Variants in NRG3 observed in about 807,000 individuals in gnomAD.
NRG3 encodes neuregulin 3.
Under a neutral mutation model 66.9 loss-of-function variants are expected in NRG3, and 31 were observed. The ratio of observed to expected loss-of-function variants is 0.46; its 90% CI spans 0.35 to 0.63. The LOEUF is 0.63. Among genes scored for constraint, NRG3 ranks in the 20% least tolerant of loss-of-function variants. The pLI is 0.00. For synonymous variants in NRG3, 393 were observed against 359.4 expected, an observed-to-expected ratio of 1.09 and a Z score of -1.06; for missense variants, 910 against 878.9, an observed-to-expected ratio of 1.04 and a Z score of -0.45.
At chr10:82,543,088 C>T (rs2043652175) in intron 2 of NRG3, among the ~76,000 whole-genome samples, 1 of 152,058 alleles carries the variant, frequency 6.6e-6, no homozygotes. Context: ...GACAGGGTTT[C>T]ACCATGTTGG....
At chr10:82,123,896 G>A (rs1244325548) in intron 1 of NRG3, among the ~76,000 whole-genome samples, 1 of 151,296 alleles carries the variant, frequency 6.6e-6, no homozygotes, top group East Asian at 1.9e-4. Context: ...GCTCCCCGAG[G>A]TTGCTTGCAT....
At chr10:82,729,406 T>C (rs1404949076) in intron 2 of NRG3, among the ~76,000 whole-genome samples, 1 of 152,174 alleles carries the variant, frequency 6.6e-6, no homozygotes, top group Non-Finnish European at 1.5e-5. Context: ...GGGGCCACCA[T>C]ATTACTGTCT....
chr10:82,831,750 G>A (rs944715343), intron 3 of NRG3, among the ~76,000 whole-genome samples: 7 of 152,108 alleles, frequency 4.6e-5, no homozygotes, highest in African/African-American at 1.4e-4. Flanking sequence ...AGAGACGGAG[G>A]TTGCAGTGAG....
intron 1 of NRG3, among the ~76,000 whole-genome samples, chr10:82,317,181 C>CAATATGTCT (rs982763015): frequency 4.0e-5 from 6 of 151,012 alleles, no homozygotes; most frequent in African/African-American, 1.5e-4. Context: ...ATTTCAAATT[C>CAATATGTCT]AATATGTCTA....
chr10:82,690,866 G>T (rs1054239439), intron 2 of NRG3, among the ~76,000 whole-genome samples: 1 of 152,062 alleles, frequency 6.6e-6, no homozygotes, highest in Non-Finnish European at 1.5e-5. Context: ...TAAAAATAAA[G>T]TTTATCTCAT....
At chr10:82,889,575 A>C (rs2136112093) in intron 4 of NRG3, among the ~76,000 whole-genome samples, 1 of 152,358 alleles carries the variant, frequency 6.6e-6, no homozygotes, top group South Asian at 2.1e-4. Flanking sequence ...TTCCAAAGTT[A>C]GAATGGTCTA....
At chr10:82,919,087 G>GTGTGTGTGTGTGTGTA (rs1846162231) in intron 4 of NRG3, among the ~76,000 whole-genome samples, 2 of 149,456 alleles carry the variant, frequency 1.3e-5, no homozygotes, top group African/African-American at 5.0e-5. Flanking sequence ...GTGTGTGTGT[G>GTGTGTGTGTGTGTGTA]TGTGTGTGTG....
intron 1 of NRG3, among the ~76,000 whole-genome samples, chr10:81,920,123 A>AT (rs1264590893): frequency 6.6e-6 from 1 of 151,766 alleles, no homozygotes; most frequent in African/African-American, 2.4e-5. Context: ...AGGTGTAAGG[A>AT]TGACACTATG....
chr10:82,159,311 A>G (rs916749930), intron 1 of NRG3, among the ~76,000 whole-genome samples: 2 of 151,804 alleles, frequency 1.3e-5, no homozygotes, highest in East Asian at 1.9e-4. Flanking sequence ...GACCACTCCA[A>G]CACTATCTTC....
At chr10:82,969,856 A>T (rs1851565012) in intron 6 of NRG3, among the ~76,000 whole-genome samples, 1 of 152,256 alleles carries the variant, frequency 6.6e-6, no homozygotes, top group Non-Finnish European at 1.5e-5. Flanking sequence ...ATATATGTAC[A>T]TACAAAATCT....
intron 3 of NRG3, among the ~76,000 whole-genome samples, chr10:82,856,769 A>C (rs1184972793): frequency 6.6e-6 from 1 of 151,074 alleles, no homozygotes; most frequent in Non-Finnish European, 1.5e-5. Flanking sequence ...AAAAAAAAAA[A>C]AAAAGAAAAG....
chr10:81,998,565 G>A (rs2061036904), intron 1 of NRG3, among the ~76,000 whole-genome samples: 1 of 152,054 alleles, frequency 6.6e-6, no homozygotes, highest in Non-Finnish European at 1.5e-5. Flanking sequence ...CAGTCACAAT[G>A]TCCTCATCTG....
chr10:82,370,699 G>A (rs535416880), intron 2 of NRG3, among the ~76,000 whole-genome samples: 2 of 152,134 alleles, frequency 1.3e-5, no homozygotes, highest in South Asian at 2.1e-4. Context: ...GTCAGTGCAC[G>A]TTAACATCCA....
chr10:82,887,921 A>G (rs1428293920), intron 4 of NRG3, among the ~76,000 whole-genome samples: 1 of 152,214 alleles, frequency 6.6e-6, no homozygotes, highest in East Asian at 1.9e-4. Flanking sequence ...GCTGACTGGC[A>G]CTCTAGTTAT....
intron 1 of NRG3, among the ~76,000 whole-genome samples, chr10:82,264,718 A>G (rs1051796575): frequency 6.6e-6 from 1 of 152,200 alleles, no homozygotes; most frequent in African/African-American, 2.4e-5. Flanking sequence ...TCAGAAAATG[A>G]GGACATCCTA....
At chr10:82,377,213 C>T (rs1325933609) in intron 2 of NRG3, among the ~76,000 whole-genome samples, 1 of 152,134 alleles carries the variant, frequency 6.6e-6, no homozygotes, top group African/African-American at 2.4e-5. Flanking sequence ...GATCGAATAA[C>T]TTGCTCATTT....
intron 2 of NRG3, among the ~76,000 whole-genome samples, chr10:82,376,517 G>C (rs2085248160): frequency 6.6e-6 from 1 of 152,182 alleles, no homozygotes; most frequent in Non-Finnish European, 1.5e-5. Flanking sequence ...GAAACCGACT[G>C]TGCCAAGAGA....
At chr10:82,660,271 GATAAA>G (rs938304602) in intron 2 of NRG3, among the ~76,000 whole-genome samples, 2 of 101,256 alleles carry the variant, frequency 2.0e-5, no homozygotes, top group African/African-American at 3.7e-5. Flanking sequence ...TACTGCAATA[GATAAA>G]ATAAATTGCC....
chr10:82,737,343 C>T (rs1009193842), intron 2 of NRG3, among the ~76,000 whole-genome samples: 1 of 152,088 alleles, frequency 6.6e-6, no homozygotes, highest in Admixed American at 6.6e-5. Flanking sequence ...GAAAAATTAC[C>T]TAGATGCATT....
Sources: allele counts gnomAD v4.1 joint callset (sites outside exome capture counted in the v4.1 genomes callset), GRCh38; gene constraint gnomAD v4.1.1; transcripts MANE v1.5; gene names NCBI Gene and HGNC (gene_info 2026-07-23, HGNC 2026-07-21).